CANX: variants seen among roughly 807,000 people sequenced by gnomAD.
The protein encoded by CANX is calnexin.
CANX carries 14 observed loss-of-function variants against 75.7 expected under a neutral mutation model. The observed-to-expected ratio is 0.19, with a 90% confidence interval of 0.12 to 0.29. The LOEUF (loss-of-function observed/expected upper bound fraction) is 0.29, where lower values mean the gene tolerates loss of function less well. Among genes scored for constraint, CANX ranks in the 10% least tolerant of loss-of-function variants. The probability of loss-of-function intolerance (pLI) is 1.00; values close to 1 mark genes in which losing one functional copy is unlikely to be tolerated. For synonymous variants in CANX, 227 were observed against 236.9 expected (o/e 0.96, Z 0.38); for missense variants, 567 against 713.2 (o/e 0.79, Z 2.34).
At chr5:179,698,632 CG>C, upstream of CANX, 2 of 1,256,088 alleles carry the variant, frequency 1.6e-6, no homozygotes, top group Non-Finnish European at 2.1e-6. Context: ...TGGGTTGGAA[CG>C]CCCCGAAGGC....
At chr5:179,678,899 C>T in intron 1 of CANX, 1 of 1,535,036 alleles carries the variant, frequency 6.5e-7, no homozygotes, top group Non-Finnish European at 8.7e-7. Context: ...AGTGGTCCAC[C>T]GCCCGCCGCG....
chr5:179,712,499 A>G (rs1453871149), intron 7 of CANX, among the ~76,000 whole-genome samples: 1 of 150,354 alleles, frequency 6.7e-6, no homozygotes, highest in African/African-American at 2.4e-5. Context: ...GCTCACCACA[A>G]CCTCTGCCTC....
rs1320972142 is a variant in CANX, at chr5:179,728,843, T to C, written c.*199T>C. 4.5e-6 allele frequency: 3 copies of C among 670,896 alleles called. No homozygotes were observed. Among genetic ancestry groups the C allele is most frequent in the African/African-American group, 3.6e-5 (2 of 55,736 alleles). 41.6% of individuals were successfully genotyped at this position (670,896 alleles called of 1,614,324 possible). On this transcript the variant is annotated 3_prime_UTR_variant, in exon 15 of 15. Transcript: ENST00000247461. ...CTTGCAGTTGTGATATAAAGGACCCTGTTTCTGTAGAAAAGAAAACATTTA... is the reference window on the plus strand; with the variant it reads ...CTTGCAGTTGTGATATAAAGGACCCCGTTTCTGTAGAAAAGAAAACATTTA...
chr5:179,708,105 T>A (rs1262909489), intron 4 of CANX, 134 bp from the exon 5 acceptor site: 14 of 661,870 alleles, frequency 2.1e-5, no homozygotes, highest in Non-Finnish European at 3.7e-5. Context: ...CCCTAAGTGC[T>A]GGGATTATAG....
intron 1 of CANX, chr5:179,704,312 C>T (rs192171167): frequency 1.3e-5 from 2 of 151,496 alleles, no homozygotes; most frequent in Admixed American, 6.6e-5. Flanking sequence ...CAGATCACGA[C>T]GTCAAGAGAT....
chr5:179,724,585 G>A, intron 12 of CANX, 72 bp from the exon 13 acceptor site: 1 of 1,306,888 alleles, frequency 7.7e-7, no homozygotes, highest in Non-Finnish European at 1.1e-6. Context: ...AACTTTGCCT[G>A]TAGGCATTCA....
intron 1 of CANX, among the ~76,000 whole-genome samples, chr5:179,688,723 G>A (rs10079411): frequency 0.043 from 6,560 of 151,556 alleles, 193 homozygotes; most frequent in African/African-American, 0.081. Flanking sequence ...GCTCATGCCT[G>A]TAATCCCAGC....
rs1358103544 is a variant in CANX, at chr5:179,729,656, TTTC to T, written c.*1018_*1020del. On this transcript the variant is annotated 3_prime_UTR_variant, in exon 15 of 15. Coordinates refer to ENST00000247461, the MANE Select transcript of CANX (RefSeq NM_001746.4). The stretch of plus-strand genomic sequence containing the variant: ...AAGCTTTATTGTGATTACGTGTATG[TTTC>T]TTCTTTCTTTTAAGCAGACCCATAC... The T allele has an allele frequency of 6.5e-6, 1 of 152,678 alleles. No individual in the cohort carries two copies. Among genetic ancestry groups the T allele is most frequent in the Non-Finnish European group, 1.5e-5 (1 of 68,052 alleles). The allele number at this position is 152,678 out of a possible 1,614,324, so 9.5% of individuals were successfully genotyped here. A position where few individuals can be genotyped will look rare whatever the true frequency, so the allele number is the denominator to read the frequency against.
chr5:179,706,934 G>A (rs1191829303), intron 3 of CANX, among the ~76,000 whole-genome samples, 198 bp from the exon 4 acceptor site: 1 of 152,112 alleles, frequency 6.6e-6, no homozygotes, highest in Non-Finnish European at 1.5e-5. Flanking sequence ...TATCTCATAG[G>A]TTTGGTACTT....
intron 12 of CANX, among the ~76,000 whole-genome samples, 164 bp from the exon 13 acceptor site, chr5:179,724,493 A>T (rs1389021545): frequency 6.6e-6 from 1 of 152,090 alleles, no homozygotes. Context: ...GTGCATACAC[A>T]CACGTACATA....
At chr5:179,723,815 A>G (rs1778468918) in intron 12 of CANX, 36 bp downstream of exon 12, 1 of 1,554,698 alleles carries the variant, frequency 6.4e-7, no homozygotes, top group Non-Finnish European at 8.7e-7. Flanking sequence ...AATTTTAGAG[A>G]CATCACTCTA....
intron 1 of CANX, among the ~76,000 whole-genome samples, chr5:179,691,970 C>G (rs1456019636): frequency 1.3e-5 from 2 of 151,022 alleles, no homozygotes; most frequent in Non-Finnish European, 2.9e-5. Flanking sequence ...TTAGTAGAGA[C>G]GGGATTTCAC....
At chr5:179,709,271 A>G (rs1008458241) in intron 6 of CANX, among the ~76,000 whole-genome samples, 4 of 152,136 alleles carry the variant, frequency 2.6e-5, no homozygotes, top group Non-Finnish European at 4.4e-5. Flanking sequence ...AAAATTAGCC[A>G]GGCGTGGTGG....
At position 179,719,730 on chromosome 5, in the gene CANX, A is replaced by G; in HGVS notation, c.974A>G (p.Asp325Gly). The G allele has an allele frequency of 1.9e-6, 3 of 1,613,112 alleles. No homozygotes were observed. Among genetic ancestry groups the G allele is most frequent in the Middle Eastern group, 1.7e-4 (1 of 6,060 alleles). ...GCCACAAAACCCGAAGGCTGGTTAG[A>G]TGATGAGCCTGAGTACGTACCTGAT... ...EEATKPEGWL[D>G]DEPEYVPDPD... Residue 325 changes from aspartate to glycine, a missense_variant, in exon 9 of 15, where the codon GAT (aspartate) becomes GGT (glycine). Physicochemically the swap from Asp to Gly is moderately conservative, Grantham distance 94. Around this residue, in one of 3 missense-constraint regions of CANX, gnomAD observed 351 missense variants for 433.8 expected, o/e 0.81. Coordinates refer to ENST00000247461, the MANE Select transcript of CANX (RefSeq NM_001746.4).
intron 1 of CANX, among the ~76,000 whole-genome samples, chr5:179,703,629 A>G (rs1212128122): frequency 6.6e-6 from 1 of 151,566 alleles, no homozygotes. Context: ...GATTTTTTGT[A>G]GAGACAGGAT....
rs984011931 is a variant in CANX, at chr5:179,730,657, C to T, written c.*2013C>T. On this transcript the variant is annotated 3_prime_UTR_variant, in exon 15 of 15. Transcript: ENST00000247461. ...TAGTAAAGTTTGTTGAAAACAAAAACGCCTTTTCTTGGTTCTTTTTTCAGT... is the reference window on the plus strand; with the variant it reads ...TAGTAAAGTTTGTTGAAAACAAAAATGCCTTTTCTTGGTTCTTTTTTCAGT... The T allele has an allele frequency of 6.6e-6, 1 of 152,178 alleles. No individual in the cohort carries two copies. The highest frequency in any genetic ancestry group is 2.4e-5 in the African/African-American group (1 of 41,438). The allele number at this position is 152,178 out of a possible 1,614,324, so 9.4% of individuals were successfully genotyped here.
chr5:179,709,959 A>G lies in CANX; in HGVS notation c.615A>G (p.Arg205=), dbSNP rs760269082. The G allele has an allele frequency of 2.5e-6, 4 of 1,613,280 alleles. No homozygotes were observed. Among genetic ancestry groups the G allele is most frequent in the South Asian group, 2.2e-5 (2 of 91,052 alleles). ...ACTATAAACTGCACTTCATCTTCCG[A>G]CACAAAAACCCCAAAACGGGTATCT... is the stretch of plus-strand genomic sequence containing the variant. ...GEDYKLHFIF[R]HKNPKTGIYE... The change falls in exon 7 of 15, where the codon CGA becomes CGG. Residue 205 remains arginine, a synonymous_variant. Coordinates refer to ENST00000247461, the MANE Select transcript of CANX (RefSeq NM_001746.4).
At chr5:179,694,385 G>A (rs1225466292), upstream of CANX, 6 of 608,118 alleles carry the variant, frequency 9.9e-6, no homozygotes, top group African/African-American at 1.9e-5. Flanking sequence ...TGGCAAAGAC[G>A]GATAAAGTGC....
chr5:179,679,447 C>A (rs1024543204), intron 1 of CANX, among the ~76,000 whole-genome samples: 22 of 152,306 alleles, frequency 1.4e-4, no homozygotes, highest in African/African-American at 4.6e-4. Context: ...ACCATCTTCC[C>A]CAAAGACCAC....
Sources: gnomAD v4.1 joint callset for allele counts (sites outside exome capture counted in the v4.1 genomes callset) on GRCh38, gnomAD v4.1.1 for gene constraint, gnomAD v4.1.1 regional missense constraint, MANE v1.5 for transcripts, NCBI Gene and HGNC (gene_info 2026-07-23, HGNC 2026-07-21) for gene names.